Variants in ATP6V0E2 observed in about 807,000 individuals in gnomAD.
ATP6V0E2 encodes the protein ATPase H+ transporting V0 subunit e2, also known as V-type proton ATPase subunit e 2.
A neutral mutation model predicts 11.5 loss-of-function variants in ATP6V0E2; 4 were observed. The ratio of observed to expected loss-of-function variants is 0.35; its 90% CI spans 0.17 to 0.80. ATP6V0E2 has a LOEUF of 0.80. Ranked by LOEUF, ATP6V0E2 falls within the 30% of genes least tolerant of loss-of-function variation. The pLI, the probability that ATP6V0E2 is intolerant of heterozygous loss-of-function variation, is 0.53. For synonymous variants in ATP6V0E2, 52 were observed against 51.0 expected, an observed-to-expected ratio of 1.02 and a Z score of -0.09; for missense variants, 93 against 113.5, an observed-to-expected ratio of 0.82 and a Z score of 0.82.
chr7:149,873,506 T>G, upstream of ATP6V0E2: 1 of 161,472 alleles, frequency 6.2e-6, no homozygotes. Context: ...GGAGAACGCG[T>G]GCTGAGGACC....
intron 1 of ATP6V0E2, chr7:149,874,672 T>C (rs1803032560): frequency 6.4e-6 from 1 of 155,088 alleles, no homozygotes; most frequent in East Asian, 1.9e-4. Flanking sequence ...TCTAGCAGAT[T>C]GCTGCGCCAT....
chr7:149,874,459 G>A (rs1429640423), intron 1 of ATP6V0E2: 3 of 386,012 alleles, frequency 7.8e-6, no homozygotes, highest in Non-Finnish European at 1.4e-5. Context: ...CACTGACGCA[G>A]TTTCTCCACT....
At chr7:149,875,464 C>T (rs568196798) in intron 1 of ATP6V0E2, 134 bp from the exon 2 acceptor site, 3 of 843,958 alleles carry the variant, frequency 3.6e-6, no homozygotes, top group African/African-American at 3.4e-5. Flanking sequence ...AGAACTCAGC[C>T]TCCTGTGTCC....
intron 3 of ATP6V0E2, 34 bp from the exon 4 acceptor site, chr7:149,879,301 A>C: frequency 2.1e-6 from 3 of 1,461,796 alleles, no homozygotes; most frequent in Non-Finnish European, 2.7e-6. Flanking sequence ...CTCCACTGCA[A>C]GGCCGGGACC....
At chr7:149,874,221 C>G (rs1262493054) in intron 1 of ATP6V0E2, 52 bp downstream of exon 1, 32 of 1,499,234 alleles carry the variant, frequency 2.1e-5, no homozygotes, top group Non-Finnish European at 2.8e-5. Flanking sequence ...CCCCCTGGCC[C>G]GGCTCGCCCC....
rs1803405833 is a variant in ATP6V0E2 at position 149,880,481 on chromosome 7, T to TGTC, written c.*1167_*1169dup. On this transcript the variant is annotated 3_prime_UTR_variant, in exon 4 of 4. Transcript: ENST00000425642. ...GCCTGCCATCCTGTTCAGCGGGCAT[T>TGTC]GTCTTTGGAGCAGCAGGAGAATAGG... is the stretch of plus-strand genomic sequence containing the variant. The TGTC allele has an allele frequency of 6.6e-6, 1 of 152,412 alleles. No homozygotes were observed. Among genetic ancestry groups the TGTC allele is most frequent in the Non-Finnish European group, 1.5e-5 (1 of 68,182 alleles). 9.4% of individuals were successfully genotyped at this position (152,412 alleles called of 1,614,324 possible).
chr7:149,874,199 T>C, intron 1 of ATP6V0E2, 30 bp downstream of exon 1: 1 of 1,530,212 alleles, frequency 6.5e-7, no homozygotes. Context: ...CCTGCAGACC[T>C]CTCCACCCCG....
chr7:149,873,814 C>T (rs934670200), upstream of ATP6V0E2: 1 of 1,419,414 alleles, frequency 7.0e-7, no homozygotes, highest in South Asian at 1.5e-5. Context: ...GGCGGCCGCG[C>T]CCCTATTCCT....
rs5888369 is a variant in ATP6V0E2 at position 149,878,658 on chromosome 7, TG to T, written c.153-19del. ...GGACCCTCCTGTGCCAGGCTCACCA[TG>T]CTTTGCTGTCCCTGGCAGCTGGCTC... is the stretch of plus-strand genomic sequence containing the variant. On this transcript the variant is annotated intron_variant, in intron 2 of 3. Transcript: ENST00000425642. The T allele has an allele frequency of 0.61, 977,657 of 1,605,990 alleles. 303,419 individuals carry two copies. Among genetic ancestry groups the T allele is most frequent in the African/African-American group, 0.81 (60,792 of 74,902 alleles).
upstream of ATP6V0E2, chr7:149,873,748 C>A: frequency 1.2e-6 from 1 of 847,098 alleles, no homozygotes; most frequent in Non-Finnish European, 1.7e-6. Context: ...TGCGGCGTGA[C>A]GTTGGCTGTG....
chr7:149,877,537 T>A (rs1482401077), intron 2 of ATP6V0E2, among the ~76,000 whole-genome samples: 2 of 150,520 alleles, frequency 1.3e-5, no homozygotes, highest in African/African-American at 4.9e-5. Flanking sequence ...ATGATGACTA[T>A]TAACACATGG....
Position 149,878,791 on chromosome 7 carries a change from G to A in ATP6V0E2, c.*19+1G>A, listed in dbSNP as rs1475641880. 1 of 1,612,274 alleles carries A rather than the reference G, an allele frequency of 6.2e-7. No individual in the cohort carries two copies. The highest frequency in any genetic ancestry group is 8.5e-7 in the Non-Finnish European group (1 of 1,179,680). ...GAGTGACCCGCCGCCCCCGACCCAG[G>A]TACTGTGTGGGCGAGGGGTGTGGGT... On this transcript the variant is annotated splice_donor_variant, in intron 3 of 3. Transcript: ENST00000425642. LOFTEE classifies it low-confidence loss of function (3UTR_SPLICE).
At chr7:149,873,113 G>A (rs1458201019), upstream of ATP6V0E2, 1 of 152,248 alleles carries the variant, frequency 6.6e-6, no homozygotes, top group Non-Finnish European at 1.5e-5. Context: ...TTCCAGCCCT[G>A]ATGGAAGAAA....
At chr7:149,873,811 G>A, upstream of ATP6V0E2, 26 of 1,412,194 alleles carry the variant, frequency 1.8e-5, no homozygotes, top group Non-Finnish European at 2.4e-5. Context: ...CCGGGCGGCC[G>A]CGCCCCTATT....
chr7:149,873,964 C>T, upstream of ATP6V0E2: 2 of 1,546,772 alleles, frequency 1.3e-6, no homozygotes, highest in Non-Finnish European at 1.7e-6. Flanking sequence ...GGGTGCTCGA[C>T]TCCTGTTGCG....
At position 149,879,736 on chromosome 7, in the gene ATP6V0E2, A is replaced by T. The variant is rs1266842991; in HGVS notation, c.*421A>T. ...GGCCCAGGCGGGGGAGTCAGTGCCC[A>T]GTCAGCAGCTCTGCCACCATCCTGC... is the stretch of plus-strand genomic sequence containing the variant. On this transcript the variant is annotated 3_prime_UTR_variant, in exon 4 of 4. Transcript: ENST00000425642. 4 of 1,242,354 alleles carry T rather than the reference A, an allele frequency of 3.2e-6. No homozygotes were observed. Among genetic ancestry groups the T allele is most frequent in the South Asian group, 2.5e-5 (1 of 40,016 alleles). 77.0% of individuals were successfully genotyped at this position (1,242,354 alleles called of 1,614,324 possible).
rs954242519 is a variant in ATP6V0E2 at position 149,879,447 on chromosome 7, G to C, written c.*132G>C. The C allele has an allele frequency of 6.3e-7, 1 of 1,599,340 alleles. No homozygotes were observed. Among genetic ancestry groups the C allele is most frequent in the Non-Finnish European group, 8.5e-7 (1 of 1,173,658 alleles). On this transcript the variant is annotated 3_prime_UTR_variant, in exon 4 of 4. Coordinates refer to ENST00000425642, the MANE Select transcript of ATP6V0E2 (RefSeq NM_145230.4). Reference sequence around the variant, plus strand: ...CAGCTCCCTCCTGCTGGCACCCAGAGACCCGGACCCGCAGGGCCTGCCTGG... The same window carrying C: ...CAGCTCCCTCCTGCTGGCACCCAGACACCCGGACCCGCAGGGCCTGCCTGG...
rs1198182158 is a variant in ATP6V0E2 at position 149,879,806 on chromosome 7, C to T, written c.*491C>T. The T allele has an allele frequency of 6.8e-6, 4 of 587,800 alleles. No homozygotes were observed. In the East Asian group the frequency reaches 1.4e-4, roughly 20 times the overall value. The allele number at this position is 587,800 out of a possible 1,614,324, so 36.4% of individuals were successfully genotyped here. A position where few individuals can be genotyped will look rare whatever the true frequency, so the allele number is the denominator to read the frequency against. On this transcript the variant is annotated 3_prime_UTR_variant, in exon 4 of 4. Transcript: ENST00000425642. ...TATTGGGTTATAGGCAAGGCCTTTTCTCTGGCATGGAATTGTTAATTTTCT... is the reference window on the plus strand; with the variant it reads ...TATTGGGTTATAGGCAAGGCCTTTTTTCTGGCATGGAATTGTTAATTTTCT...
intron 2 of ATP6V0E2, 134 bp from the exon 3 acceptor site, chr7:149,878,544 C>T: frequency 2.9e-6 from 2 of 680,382 alleles, no homozygotes; most frequent in Non-Finnish European, 4.8e-6. Context: ...CTCCCTGGGC[C>T]CTTCTTCACC....
Sources: gnomAD v4.1 joint callset for allele counts (sites outside exome capture counted in the v4.1 genomes callset) on GRCh38, gnomAD v4.1.1 for gene constraint, MANE v1.5 for transcripts, NCBI Gene and HGNC (gene_info 2026-07-23, HGNC 2026-07-21) for gene names.